PPP6R2: variants seen among roughly 807,000 people sequenced by gnomAD.
The protein encoded by PPP6R2 is protein phosphatase 6 regulatory subunit 2, also known as serine/threonine-protein phosphatase 6 regulatory subunit 2.
Under a neutral mutation model 100.2 loss-of-function variants are expected in PPP6R2, and 62 were observed. The ratio of observed to expected loss-of-function variants is 0.62; its 90% CI spans 0.50 to 0.76. The LOEUF is 0.76. PPP6R2 is among the 30% of genes least tolerant of loss of function. The probability of loss-of-function intolerance (pLI) is 0.00; values close to 1 mark genes in which losing one functional copy is unlikely to be tolerated. For missense variants in PPP6R2, 1,142 were observed against 1,276.3 expected, an observed-to-expected ratio of 0.89 and a Z score of 1.60; for synonymous variants, 525 against 514.7, an observed-to-expected ratio of 1.02 and a Z score of -0.27.
chr22:50,419,200 G>A, intron 7 of PPP6R2, 149 bp from the exon 8 acceptor site: 1 of 750,274 alleles, frequency 1.3e-6, no homozygotes, highest in Non-Finnish European at 2.2e-6. Flanking sequence ...AGCAGCAGCA[G>A]GAGTGTCCTG....
At position 50,416,900 on chromosome 22, in the gene PPP6R2, G is replaced by A. The variant is rs75797954; in HGVS notation, c.618+743G>A. Among the ~76,000 whole-genome samples the A allele has an allele frequency of 6.7e-5, 10 of 150,368 alleles. No individual in the cohort carries two copies. The East Asian group carries it at 2.0e-3, about 30-fold the overall frequency. On this transcript the variant is annotated intron_variant, in intron 6 of 23. Coordinates refer to ENST00000612753, the MANE Select transcript of PPP6R2 (RefSeq NM_001242898.2). Reference sequence around the variant, plus strand: ...GAACCCAGGAAGGGGAGCTTGCAGTGAGCCGAGATCACACCACTGTGCTCC... The same window carrying A: ...GAACCCAGGAAGGGGAGCTTGCAGTAAGCCGAGATCACACCACTGTGCTCC...
At chr22:50,339,878 G>GGTGT (rs1198906084), upstream of PPP6R2, among the ~76,000 whole-genome samples, 1 of 109,330 alleles carries the variant, frequency 9.1e-6, no homozygotes, top group Non-Finnish European at 1.9e-5. Flanking sequence ...TGTGTGGTGT[G>GGTGT]GTGTGTGTGT....
intron 1 of PPP6R2, among the ~76,000 whole-genome samples, chr22:50,348,102 C>T (rs889436535): frequency 6.6e-6 from 1 of 152,056 alleles, no homozygotes; most frequent in Non-Finnish European, 1.5e-5. Flanking sequence ...CCTCCAGGAA[C>T]CTAGATAAGA....
intron 2 of PPP6R2, among the ~76,000 whole-genome samples, chr22:50,383,939 G>GA (rs1186012800): frequency 1.3e-5 from 2 of 151,448 alleles, no homozygotes; most frequent in Non-Finnish European, 2.9e-5. Flanking sequence ...GGGAGGCTGA[G>GA]ACGGGAGAAT....
intron 4 of PPP6R2, among the ~76,000 whole-genome samples, chr22:50,408,730 T>A (rs7511602): frequency 0.19 from 29,304 of 152,226 alleles, 3,102 homozygotes; most frequent in East Asian, 0.24. Context: ...GGATATTTTC[T>A]TTATAATTTT....
chr22:50,338,243 T>TGTTTGTGTCTATGTGTGGTGC, the PPP6R2 span, among the ~76,000 whole-genome samples: 1 of 138,132 alleles, frequency 7.2e-6, no homozygotes, highest in Non-Finnish European at 1.6e-5. Flanking sequence ...GTGTGTGGTG[T>TGTTTGTGTCTATGTGTGGTGC]GTTTGTGTCT....
intron 2 of PPP6R2, among the ~76,000 whole-genome samples, chr22:50,374,911 C>CAAAAAAAAAAA (rs60035779): frequency 2.5e-5 from 2 of 80,936 alleles, no homozygotes; most frequent in Non-Finnish European, 4.9e-5. Flanking sequence ...GACTCTGTCT[C>CAAAAAAAAAAA]AAAAAAAAAA....
rs117434840 is a variant in PPP6R2 at position 50,395,005 on chromosome 22, G to C, written c.227+870G>C. On this transcript the variant is annotated intron_variant, in intron 3 of 23. Coordinates refer to ENST00000612753, the MANE Select transcript of PPP6R2 (RefSeq NM_001242898.2). ...TAATTTTAGGTTGGTACACGTCAGA[G>C]TGTTTTGAGTGGCAATATGTTGGGA... Among the ~76,000 whole-genome samples, 316 of 151,880 alleles carry C rather than the reference G, an allele frequency of 2.1e-3. 5 individuals carry two copies. The East Asian group carries it at 0.029, about 14-fold the overall frequency.
intron 1 of PPP6R2, among the ~76,000 whole-genome samples, chr22:50,357,272 T>TC (rs1367702457): frequency 6.6e-6 from 1 of 152,174 alleles, no homozygotes; most frequent in Non-Finnish European, 1.5e-5. Flanking sequence ...TGGTTACAAG[T>TC]CCTTTGTGGT....
rs2066599088 is a variant in PPP6R2, at chr22:50,444,473, C to T, written c.*226C>T. On this transcript the variant is annotated 3_prime_UTR_variant, in exon 24 of 24. Transcript: ENST00000612753. The stretch of plus-strand genomic sequence containing the variant: ...GCCCTGCTGGAGGACAGAGGGGCAC[C>T]TCAGCCGCCCCCAAGCCCAGAGCAC... 7.8e-6 allele frequency: 4 copies of T among 512,330 alleles called. No individual in the cohort carries two copies. The highest frequency in any genetic ancestry group is 7.6e-5 in the Admixed American group (2 of 26,260). The allele number at this position is 512,330 out of a possible 1,614,324, so 31.7% of individuals were successfully genotyped here.
At chr22:50,407,892 T>G (rs769869543) in intron 4 of PPP6R2, among the ~76,000 whole-genome samples, 2 of 152,144 alleles carry the variant, frequency 1.3e-5, no homozygotes, top group African/African-American at 2.4e-5. Context: ...GTATGTACAT[T>G]TATTTATTTT....
chr22:50,381,245 C>T (rs894667414), intron 2 of PPP6R2, among the ~76,000 whole-genome samples: 9 of 150,964 alleles, frequency 6.0e-5, no homozygotes, highest in Non-Finnish European at 1.2e-4. Flanking sequence ...CACACGGGCC[C>T]CACCTCAGCA....
intron 1 of PPP6R2, among the ~76,000 whole-genome samples, chr22:50,348,913 C>T (rs1018894834): frequency 8.6e-5 from 13 of 151,802 alleles, no homozygotes; most frequent in Admixed American, 5.9e-4. Context: ...AAAGCAGGGC[C>T]GGGCGCAGTG....
intron 10 of PPP6R2, among the ~76,000 whole-genome samples, chr22:50,424,633 C>CTTTTTTTTTTTTTT (rs71198247): frequency 6.7e-5 from 5 of 74,266 alleles, no homozygotes; most frequent in Non-Finnish European, 1.3e-4. Context: ...CCCTCTTCTT[C>CTTTTTTTTTTTTTT]TTTTTTTTTT....
intron 1 of PPP6R2, among the ~76,000 whole-genome samples, chr22:50,361,744 C>T (rs1313506755): frequency 6.6e-6 from 1 of 152,000 alleles, no homozygotes; most frequent in Non-Finnish European, 1.5e-5. Flanking sequence ...ACTTGTTTTC[C>T]CAGGATTATA....
chr22:50,396,365 T>C lies in PPP6R2; in HGVS notation c.227+2230T>C, dbSNP rs201126414. ...CAAAAATTTGCTGGGTGTGGTGGCA[T>C]GTGCCTATAATCCCAGCTACTCAGA... On this transcript the variant is annotated intron_variant, in intron 3 of 23. Coordinates refer to ENST00000612753, the MANE Select transcript of PPP6R2 (RefSeq NM_001242898.2). 3.9e-4 allele frequency among the ~76,000 whole-genome samples: 59 copies of C among 151,288 alleles called. No individual in the cohort carries two copies. In the East Asian group the frequency reaches 5.7e-3, roughly 15 times the overall value.
chr22:50,435,706 C>G (rs2064088652), intron 13 of PPP6R2, among the ~76,000 whole-genome samples: 1 of 152,184 alleles, frequency 6.6e-6, no homozygotes, highest in African/African-American at 2.4e-5. Flanking sequence ...CCATTAGCCC[C>G]TGGCGAGGTC....
intron 3 of PPP6R2, among the ~76,000 whole-genome samples, chr22:50,402,060 C>T (rs937496926): frequency 6.6e-6 from 1 of 152,066 alleles, no homozygotes; most frequent in African/African-American, 2.4e-5. Flanking sequence ...AAAGAGTTTC[C>T]TTCTGTTCTC....
At chr22:50,410,771 AT>A in intron 4 of PPP6R2, among the ~76,000 whole-genome samples, 1 of 151,956 alleles carries the variant, frequency 6.6e-6, no homozygotes, top group South Asian at 2.1e-4. Flanking sequence ...TGGAGGAAAC[AT>A]GTCAAAGCAT....
Sources: allele counts gnomAD v4.1 joint callset (sites outside exome capture counted in the v4.1 genomes callset), GRCh38; gene constraint gnomAD v4.1.1; transcripts MANE v1.5; gene names NCBI Gene and HGNC (gene_info 2026-07-23, HGNC 2026-07-21).